The following CACNA2D3 variants were observed in gnomAD, a reference collection of about 807,000 sequenced individuals.
CACNA2D3 encodes voltage-dependent calcium channel subunit alpha-2/delta-3.
Under a neutral mutation model 160.6 loss-of-function variants are expected in CACNA2D3, and 60 were observed. The ratio of observed to expected loss-of-function variants is 0.37; its 90% confidence interval spans 0.30 to 0.46. The LOEUF is 0.46. Among genes scored for constraint, CACNA2D3 ranks in the 20% least tolerant of loss-of-function variants. The probability of loss-of-function intolerance (pLI) is 1.00; values close to 1 mark genes in which losing one functional copy is unlikely to be tolerated. For missense variants in CACNA2D3, 1,205 were observed against 1,365.0 expected (o/e 0.88, Z 1.85); for synonymous variants, 558 against 492.9 (o/e 1.13, Z -1.75).
intron 13 of CACNA2D3, among the ~76,000 whole-genome samples, chr3:54,814,188 G>A (rs750342544): frequency 9.9e-5 from 15 of 152,136 alleles, no homozygotes; most frequent in African/African-American, 2.4e-4. Context: ...ATTCTTTCCA[G>A]TGAAACTCAG....
intron 25 of CACNA2D3, among the ~76,000 whole-genome samples, chr3:54,892,266 T>C (rs1463892900): frequency 6.6e-6 from 1 of 151,940 alleles, no homozygotes; most frequent in Non-Finnish European, 1.5e-5. Flanking sequence ...AGTTCAGAGG[T>C]TACCACAGAA....
intron 9 of CACNA2D3, among the ~76,000 whole-genome samples, chr3:54,624,136 G>A (rs569096245): frequency 6.6e-6 from 1 of 152,224 alleles, no homozygotes; most frequent in South Asian, 2.1e-4. Context: ...TCTAACATAT[G>A]GACCAGATAT....
At chr3:54,982,796 C>T (rs1702533900) in intron 29 of CACNA2D3, among the ~76,000 whole-genome samples, 1 of 151,742 alleles carries the variant, frequency 6.6e-6, no homozygotes, top group Non-Finnish European at 1.5e-5. Flanking sequence ...AACTTCTTGA[C>T]ATTGCCGTGA....
chr3:54,983,557 G>T (rs1350913130), intron 29 of CACNA2D3, among the ~76,000 whole-genome samples: 1 of 152,178 alleles, frequency 6.6e-6, no homozygotes, highest in Non-Finnish European at 1.5e-5. Flanking sequence ...CTGTTCACCA[G>T]AGCAGCCAAC....
chr3:54,663,662 C>T (rs926301902), intron 11 of CACNA2D3, among the ~76,000 whole-genome samples: 4 of 152,198 alleles, frequency 2.6e-5, no homozygotes, highest in African/African-American at 9.6e-5. Context: ...GATGATTTCT[C>T]CCCAAAATGT....
chr3:54,222,939 T>A (rs1275267691), intron 2 of CACNA2D3, among the ~76,000 whole-genome samples: 1 of 152,248 alleles, frequency 6.6e-6, no homozygotes, highest in East Asian at 1.9e-4. Flanking sequence ...TGAGTTTAAA[T>A]GTCATATTAT....
chr3:54,723,745 C>G (rs565177564), intron 11 of CACNA2D3, among the ~76,000 whole-genome samples: 1 of 152,184 alleles, frequency 6.6e-6, no homozygotes, highest in Non-Finnish European at 1.5e-5. Context: ...TGAGATGAAC[C>G]GAGTACCTCA....
At chr3:54,663,190 G>A (rs765870975) in intron 11 of CACNA2D3, among the ~76,000 whole-genome samples, 1 of 152,180 alleles carries the variant, frequency 6.6e-6, no homozygotes, top group Non-Finnish European at 1.5e-5. Context: ...TCCTTGCTGC[G>A]GCTGATGTTT....
chr3:54,452,520 CT>C (rs1700324914), intron 4 of CACNA2D3, among the ~76,000 whole-genome samples: 1 of 152,202 alleles, frequency 6.6e-6, no homozygotes, highest in African/African-American at 2.4e-5. Context: ...TCTTTAATGT[CT>C]GTATTTCTCC....
intron 3 of CACNA2D3, among the ~76,000 whole-genome samples, chr3:54,342,673 G>A (rs559744128): frequency 1.3e-5 from 2 of 152,252 alleles, no homozygotes; most frequent in South Asian, 2.1e-4. Flanking sequence ...ATTACCAACT[G>A]GTTTAAACTT....
intron 37 of CACNA2D3, 94 bp downstream of exon 37, chr3:55,073,953 A>G (rs911917709): frequency 8.5e-7 from 1 of 1,174,758 alleles, no homozygotes; most frequent in African/African-American, 1.5e-5. Flanking sequence ...AAGTTCACTC[A>G]TGAGAAAATA....
At chr3:54,189,706 GT>G (rs1275405603) in intron 2 of CACNA2D3, among the ~76,000 whole-genome samples, 2 of 152,160 alleles carry the variant, frequency 1.3e-5, no homozygotes, top group Admixed American at 6.5e-5. Flanking sequence ...TCTGCTGGGA[GT>G]TCCTTCCCAC....
chr3:54,329,952 A>T (rs1392990916), intron 3 of CACNA2D3, among the ~76,000 whole-genome samples: 1 of 152,190 alleles, frequency 6.6e-6, no homozygotes, highest in African/African-American at 2.4e-5. Flanking sequence ...ACAGAGTGAG[A>T]TTATTTACAT....
At chr3:54,301,926 A>G (rs1261510557) in intron 2 of CACNA2D3, among the ~76,000 whole-genome samples, 1 of 152,204 alleles carries the variant, frequency 6.6e-6, no homozygotes, top group Admixed American at 6.5e-5. Context: ...TCTGATGTAC[A>G]TTATAGAATA....
At chr3:54,809,357 G>A (rs984969618) in intron 13 of CACNA2D3, among the ~76,000 whole-genome samples, 3 of 103,706 alleles carry the variant, frequency 2.9e-5, no homozygotes, top group Non-Finnish European at 5.5e-5. Context: ...TGTCGCCCAG[G>A]TCGGACTGCG....
At chr3:54,346,246 C>G (rs1006040514) in intron 3 of CACNA2D3, among the ~76,000 whole-genome samples, 1 of 152,214 alleles carries the variant, frequency 6.6e-6, no homozygotes, top group Non-Finnish European at 1.5e-5. Context: ...AAGCCTCCGT[C>G]AGAGCAACCT....
rs889427347 is a variant in CACNA2D3, at chr3:54,816,283, C to A, written c.1381-570C>A. Reference sequence around the variant, plus strand: ...ACAAGCATTTTTCTAACAGTCTTACCTTTATATACAGCAGGGTTTCTCAAC... The same window carrying A: ...ACAAGCATTTTTCTAACAGTCTTACATTTATATACAGCAGGGTTTCTCAAC... On this transcript the variant is annotated intron_variant, in intron 13 of 37. Coordinates refer to ENST00000474759, the MANE Select transcript of CACNA2D3 (RefSeq NM_018398.3). Among the ~76,000 whole-genome samples, 6 of 152,208 alleles carry A rather than the reference C, an allele frequency of 3.9e-5. No individual in the cohort carries two copies. The South Asian group carries it at 1.0e-3, about 26-fold the overall frequency.
At chr3:54,659,746 C>T (rs1182230088) in intron 11 of CACNA2D3, among the ~76,000 whole-genome samples, 8 of 152,156 alleles carry the variant, frequency 5.3e-5, no homozygotes, top group African/African-American at 1.9e-4. Flanking sequence ...CTTTGTAGTA[C>T]GTAAAGCAGT....
At chr3:54,279,717 C>G (rs1266621202) in intron 2 of CACNA2D3, among the ~76,000 whole-genome samples, 8 of 152,128 alleles carry the variant, frequency 5.3e-5, no homozygotes, top group Admixed American at 5.2e-4. Context: ...TAATTGAAAC[C>G]ATTTCGAGTT....
Sources: allele counts gnomAD v4.1 joint callset (sites outside exome capture counted in the v4.1 genomes callset), GRCh38; gene constraint gnomAD v4.1.1; transcripts MANE v1.5; gene names NCBI Gene and HGNC (gene_info 2026-07-23, HGNC 2026-07-21).